LAMC2: variants seen among roughly 807,000 people sequenced by gnomAD.
LAMC2 encodes laminin subunit gamma 2.
Under a neutral mutation model 140.2 loss-of-function variants are expected in LAMC2, and 97 were observed. That is an observed-to-expected ratio of 0.69 (90% CI 0.59 to 0.82). The LOEUF (loss-of-function observed/expected upper bound fraction) is 0.82. Among genes scored for constraint, LAMC2 ranks in the 40% least tolerant of loss-of-function variants. The pLI, the probability that LAMC2 is intolerant of heterozygous loss-of-function variation, is 0.00. For missense variants in LAMC2, 1,402 were observed against 1,476.1 expected (o/e 0.95, Z 0.82); for synonymous variants, 513 against 540.2 (o/e 0.95, Z 0.70).
rs190437063 is a variant in LAMC2, at chr1:183,192,244, T to C, written c.79+5813T>C. 5.0e-4 allele frequency among the ~76,000 whole-genome samples: 76 copies of C among 152,240 alleles called. 1 individual carries two copies. The highest frequency in any genetic ancestry group is 4.6e-3 in the Admixed American group (70 of 15,312). On this transcript the variant is annotated intron_variant, in intron 1 of 22. Coordinates refer to ENST00000264144, the MANE Select transcript of LAMC2 (RefSeq NM_005562.3). ...GGATCCTGCACTTATTCAGGGCTTA[T>C]ATTTACAGAATTCTAACCGCGTCTT... is the stretch of plus-strand genomic sequence containing the variant.
In LAMC2 at chr1:183,240,110, C is replaced by T. The variant is rs766697227; in HGVS notation, c.3140C>T (p.Ala1047Val). The T allele has an allele frequency of 2.5e-6, 4 of 1,613,992 alleles. No individual in the cohort carries two copies. The African/African-American group carries it at 4.0e-5, about 16-fold the overall frequency. Residue 1047 changes from alanine (A) to valine (V), a missense_variant, in exon 21 of 23, where the codon GCC becomes GTC. By Grantham distance (64) the Ala-to-Val change is moderately conservative. Around this residue, in one of 3 missense-constraint regions of LAMC2, gnomAD observed 670 missense variants for 667.2 expected, o/e 1.00. Transcript: ENST00000264144. ...DGALAMEKGL[A>V]SLKSEMREVE... The stretch of plus-strand genomic sequence containing the variant: ...GCCTTGGCCATGGAAAAGGGACTGG[C>T]CTCTCTGAAGAGTGAGATGAGGGAA...
intron 10 of LAMC2, 146 bp downstream of exon 10, chr1:183,227,843 TAAAG>T: frequency 1.3e-6 from 1 of 777,348 alleles, no homozygotes; most frequent in Non-Finnish European, 2.2e-6. Context: ...GATAATATCT[TAAAG>T]ATAAGATATT....
At chr1:183,199,162 T>C (rs373936525) in intron 1 of LAMC2, among the ~76,000 whole-genome samples, 2 of 142,588 alleles carry the variant, frequency 1.4e-5, no homozygotes, top group East Asian at 4.5e-4. Context: ...TGGAGTGCAG[T>C]GGCACCATCT....
At chr1:183,231,731 A>T (rs2102238396) in intron 12 of LAMC2, among the ~76,000 whole-genome samples, 1 of 152,356 alleles carries the variant, frequency 6.6e-6, no homozygotes, top group Non-Finnish European at 1.5e-5. Context: ...GGGGAAGACA[A>T]AGGCCCAAAC....
chr1:183,232,097 T>G (rs1448822508), intron 12 of LAMC2, 90 bp from the exon 13 acceptor site: 1 of 1,500,856 alleles, frequency 6.7e-7, no homozygotes, highest in Non-Finnish European at 9.3e-7. Flanking sequence ...TTTCTGGACT[T>G]TTAGTATTAT....
rs76472422 is a variant in LAMC2 at position 183,189,288 on chromosome 1, G to A, written c.79+2857G>A. 2.1e-3 allele frequency among the ~76,000 whole-genome samples: 321 copies of A among 152,216 alleles called. 2 individuals are homozygous for A. Among genetic ancestry groups the A allele is most frequent in the Non-Finnish European group, 3.5e-3 (236 of 68,010 alleles). On this transcript the variant is annotated intron_variant, in intron 1 of 22. Transcript: ENST00000264144. ...AGACAGTGATGCCATTAAAGGATGA[G>A]GACTATAAAAGAAGGATCAGTCTGG... is the stretch of plus-strand genomic sequence containing the variant.
intron 6 of LAMC2, among the ~76,000 whole-genome samples, 193 bp from the exon 7 acceptor site, chr1:183,222,942 G>A (rs1272131741): frequency 6.6e-6 from 1 of 152,148 alleles, no homozygotes; most frequent in Non-Finnish European, 1.5e-5. Flanking sequence ...TATCATTTCA[G>A]TAACTAACCC....
At chr1:183,237,331 C>G (rs1420191086) in intron 17 of LAMC2, 21 bp from the exon 18 acceptor site, 3 of 1,613,882 alleles carry the variant, frequency 1.9e-6, no homozygotes, top group Admixed American at 1.7e-5. Flanking sequence ...GTCAGACTCC[C>G]TGGTTTCTTT....
chr1:183,243,029 C>G (rs1250885586), intron 22 of LAMC2, 118 bp from the exon 23 acceptor site: 10 of 1,076,508 alleles, frequency 9.3e-6, no homozygotes, highest in Non-Finnish European at 1.4e-5. Context: ...TCATGGTATA[C>G]TATTTGCTCT....
At position 183,244,382 on chromosome 1, in the gene LAMC2, T is replaced by C. The variant is rs1571545351; in HGVS notation, c.*982T>C. ...CAGCTGGGTCACATCCATCCCTCCA[T>C]TCATCCTTCCATCCATCTTTCCATC... On this transcript the variant is annotated 3_prime_UTR_variant, in exon 23 of 23. Coordinates refer to ENST00000264144, the MANE Select transcript of LAMC2 (RefSeq NM_005562.3). 1 of 152,316 alleles carries C rather than the reference T, an allele frequency of 6.6e-6. No homozygotes were observed. Among genetic ancestry groups the C allele is most frequent in the Non-Finnish European group, 1.5e-5 (1 of 68,034 alleles). The allele number at this position is 152,316 out of a possible 1,614,324, so 9.4% of individuals were successfully genotyped here. A position where few individuals can be genotyped will look rare whatever the true frequency, so the allele number is the denominator to read the frequency against.
intron 7 of LAMC2, among the ~76,000 whole-genome samples, chr1:183,224,652 C>T (rs781637339): frequency 3.4e-5 from 5 of 145,322 alleles, no homozygotes; most frequent in Non-Finnish European, 6.0e-5. Flanking sequence ...ATCAAATATC[C>T]GAGTATACGT....
At chr1:183,240,445 C>G (rs1233662722) in intron 22 of LAMC2, 54 bp downstream of exon 22, 1 of 1,608,000 alleles carries the variant, frequency 6.2e-7, no homozygotes, top group African/African-American at 1.3e-5. Context: ...GGGCTTTGCT[C>G]CAGAACACTC....
chr1:183,208,548 T>C (rs968586182), intron 2 of LAMC2, among the ~76,000 whole-genome samples: 4 of 152,226 alleles, frequency 2.6e-5, no homozygotes, highest in African/African-American at 9.6e-5. Flanking sequence ...GAAGTTGTAC[T>C]AATAAAGGAG....
chr1:183,219,510 G>T (rs1571522360), intron 4 of LAMC2, among the ~76,000 whole-genome samples: 1 of 152,072 alleles, frequency 6.6e-6, no homozygotes, highest in Non-Finnish European at 1.5e-5. Context: ...GACTTTTATG[G>T]TAATCGCTTT....
chr1:183,252,423 C>T, the LAMC2 span: 2 of 402,602 alleles, frequency 5.0e-6, no homozygotes, highest in South Asian at 2.2e-5. Flanking sequence ...CATTCCCTCA[C>T]CCACCCCCAA....
At chr1:183,191,692 T>C (rs1366440889) in intron 1 of LAMC2, among the ~76,000 whole-genome samples, 2 of 152,102 alleles carry the variant, frequency 1.3e-5, no homozygotes, top group African/African-American at 4.8e-5. Context: ...ACCCTGTCTC[T>C]ACTAAAACAT....
intron 1 of LAMC2, among the ~76,000 whole-genome samples, chr1:183,191,761 A>G (rs183903691): frequency 5.9e-5 from 9 of 152,224 alleles, no homozygotes; most frequent in Admixed American, 5.2e-4. Flanking sequence ...CAGGAGGCTG[A>G]GGCAGGGGGA....
rs539212268 is a variant in LAMC2 at position 183,235,402 on chromosome 1, A to C, written c.2301-173A>C. Among the ~76,000 whole-genome samples the C allele has an allele frequency of 3.9e-5, 6 of 152,376 alleles. No individual in the cohort carries two copies. In the South Asian group the frequency reaches 8.3e-4, roughly 21 times the overall value. The stretch of plus-strand genomic sequence containing the variant: ...GTCTATGACATAAGGCGAATTCTCC[A>C]AAACACTTTCTGCTTCTTGACAGCA... On this transcript the variant is annotated intron_variant, in intron 15 of 22. Transcript: ENST00000264144.
At chr1:183,255,160 T>C in the LAMC2 span, among the ~76,000 whole-genome samples, 1 of 152,250 alleles carries the variant, frequency 6.6e-6, no homozygotes, top group Non-Finnish European at 1.5e-5. Context: ...CAGCACCATC[T>C]ATTGAAGAGA....
Sources: gnomAD v4.1 joint callset for allele counts (sites outside exome capture counted in the v4.1 genomes callset) on GRCh38, gnomAD v4.1.1 for gene constraint, gnomAD v4.1.1 regional missense constraint, MANE v1.5 for transcripts, NCBI Gene and HGNC (gene_info 2026-07-23, HGNC 2026-07-21) for gene names.